MUC7: variants seen among roughly 807,000 people sequenced by gnomAD.
The protein encoded by MUC7 is mucin-7.
In MUC7, 2 loss-of-function variants were observed where a neutral mutation model predicts 2.5. That is an observed-to-expected ratio of 0.81 (90% CI 0.33 to 2.55). The LOEUF is 2.55. MUC7 is among the 30% of genes most tolerant of loss of function. The probability of loss-of-function intolerance (pLI) is 0.11; values close to 1 mark genes in which losing one functional copy is unlikely to be tolerated. For synonymous variants in MUC7, 133 were observed against 173.4 expected, an observed-to-expected ratio of 0.77 and a Z score of 1.83; for missense variants, 408 against 455.6, an observed-to-expected ratio of 0.90 and a Z score of 0.95.
At chr4:70,467,566 G>C (rs1484183143), upstream of MUC7, among the ~76,000 whole-genome samples, 1 of 152,136 alleles carries the variant, frequency 6.6e-6, no homozygotes, top group Non-Finnish European at 1.5e-5. Context: ...AATAAAAAAT[G>C]ATAAAAGGGA....
At chr4:70,473,567 G>A (rs1443299977) in intron 1 of MUC7, among the ~76,000 whole-genome samples, 2 of 152,110 alleles carry the variant, frequency 1.3e-5, no homozygotes, top group Non-Finnish European at 2.9e-5. Flanking sequence ...ATAGCACAGC[G>A]ACAAAGAGCA....
At chr4:70,465,818 T>C (rs1734669501) in intron 1 of MUC7, among the ~76,000 whole-genome samples, 1 of 151,998 alleles carries the variant, frequency 6.6e-6, no homozygotes, top group Non-Finnish European at 1.5e-5. Context: ...AGTTGAAAAA[T>C]ACTTTTCAAG....
chr4:70,476,782 G>A (rs1340327463), intron 2 of MUC7, among the ~76,000 whole-genome samples: 2 of 152,042 alleles, frequency 1.3e-5, no homozygotes, highest in African/African-American at 2.4e-5. Context: ...GCGAGACTCC[G>A]TCTCAAAAAA....
chr4:70,466,834 T>A (rs1734697150), intron 1 of MUC7, among the ~76,000 whole-genome samples: 1 of 152,090 alleles, frequency 6.6e-6, no homozygotes, highest in Non-Finnish European at 1.5e-5. Flanking sequence ...ACACTGTCAA[T>A]ATTAGACAGA....
At position 70,481,760 on chromosome 4, in the gene MUC7, C is replaced by T. The variant is rs1282975615; in HGVS notation, c.1016C>T (p.Thr339Ile). The T allele has an allele frequency of 1.2e-6, 2 of 1,614,098 alleles. No homozygotes were observed. The highest frequency in any genetic ancestry group is 2.2e-5 in the East Asian group (1 of 44,888). Reference protein sequence around the residue: ...PTHQTTTSVTTQTTTTKQPTS... With the variant: ...PTHQTTTSVTIQTTTTKQPTS... ...CACCAGACTACTACTTCGGTCACTA[C>T]TCAAACTACTACTACTAAACAACCA... Residue 339 changes from threonine (T) to isoleucine (I), a missense_variant, in exon 3 of 3, where the codon ACT (threonine) becomes ATT (isoleucine). Physicochemically the swap from Thr to Ile is moderately conservative, Grantham distance 89. This residue lies in a region of MUC7 where 175 missense variants were observed against 187.1 expected (regional missense o/e 0.94). Coordinates refer to ENST00000304887, the MANE Select transcript of MUC7 (RefSeq NM_152291.3).
chr4:70,441,075 T>C (rs1733993155), intron 1 of MUC7, among the ~76,000 whole-genome samples: 1 of 152,202 alleles, frequency 6.6e-6, no homozygotes, highest in Non-Finnish European at 1.5e-5. Context: ...GTATATCAGC[T>C]ATTAAACTTG....
At chr4:70,454,123 C>CA (rs1734358198) in intron 1 of MUC7, among the ~76,000 whole-genome samples, 1 of 152,086 alleles carries the variant, frequency 6.6e-6, no homozygotes, top group South Asian at 2.1e-4. Context: ...GGAAGGGTGG[C>CA]ACAGGCTCTC....
chr4:70,466,231 G>A (rs1442963431), intron 1 of MUC7, among the ~76,000 whole-genome samples: 1 of 152,086 alleles, frequency 6.6e-6, no homozygotes, highest in Non-Finnish European at 1.5e-5. Context: ...TCACCACCAG[G>A]CCTGCCCTAT....
At chr4:70,439,455 G>A (rs1733948602) in intron 1 of MUC7, among the ~76,000 whole-genome samples, 1 of 152,196 alleles carries the variant, frequency 6.6e-6, no homozygotes. Flanking sequence ...CCTGTTTGGA[G>A]ATAGGCTATA....
At chr4:70,465,496 C>A (rs368055953) in intron 1 of MUC7, among the ~76,000 whole-genome samples, 1 of 152,134 alleles carries the variant, frequency 6.6e-6, no homozygotes, top group South Asian at 2.1e-4. Context: ...AGCTAAGAAC[C>A]TTGAAAAAAG....
At position 70,481,865 on chromosome 4, in the gene MUC7, T is replaced by C; in HGVS notation, c.1121T>C (p.Met374Thr). Residue 374 changes from methionine (M) to threonine (T), a missense_variant, in exon 3 of 3, where the codon ATG becomes ACG. Transcript: ENST00000304887. ...CTACTAAACAGAATTATTGACGACATGGTGGAGCAATAGTATATTGTATGT... is the reference window on the plus strand; with the variant it reads ...CTACTAAACAGAATTATTGACGACACGGTGGAGCAATAGTATATTGTATGT... ...KNLLNRIIDD[M>T]VEQ 3 of 1,613,820 alleles carry C rather than the reference T, an allele frequency of 1.9e-6. No homozygotes were observed. The highest frequency in any genetic ancestry group is 2.5e-6 in the Non-Finnish European group (3 of 1,179,874).
At chr4:70,449,900 G>A (rs2109713948) in intron 1 of MUC7, among the ~76,000 whole-genome samples, 1 of 152,336 alleles carries the variant, frequency 6.6e-6, no homozygotes, top group East Asian at 1.9e-4. Flanking sequence ...GGTCAGACCT[G>A]AAGCAAGCAC....
rs536670101 is a variant in MUC7 at position 70,452,359 on chromosome 4, G to A, written c.-92-19856G>A. ...ACTTCCTTCCTGTCTTCCTTTTAGT[G>A]AAGATGATTTTCACTGGTGGTATGT... On this transcript the variant is annotated intron_variant, in intron 1 of 3. Transcript: ENST00000413702. Among the ~76,000 whole-genome samples, 401 of 152,096 alleles carry A rather than the reference G, an allele frequency of 2.6e-3. 1 individual carries two copies. Among genetic ancestry groups the A allele is most frequent in the African/African-American group, 8.9e-3 (370 of 41,498 alleles).
intron 1 of MUC7, among the ~76,000 whole-genome samples, chr4:70,454,076 T>C (rs1232372145): frequency 6.6e-6 from 1 of 151,958 alleles, no homozygotes; most frequent in Non-Finnish European, 1.5e-5. Flanking sequence ...AATAAAGGAC[T>C]CTCTCATTGC....
chr4:70,435,648 C>T (rs1733810200), intron 1 of MUC7, among the ~76,000 whole-genome samples: 1 of 136,446 alleles, frequency 7.3e-6, no homozygotes, highest in Non-Finnish European at 1.6e-5. Flanking sequence ...GGTCTTGACT[C>T]TTTATCCCAT....
chr4:70,474,636 G>C (rs1370567675), intron 2 of MUC7, among the ~76,000 whole-genome samples: 1 of 152,154 alleles, frequency 6.6e-6, no homozygotes, highest in East Asian at 1.9e-4. Flanking sequence ...AATATCTATA[G>C]AGCACAAACT....
intron 1 of MUC7, among the ~76,000 whole-genome samples, chr4:70,437,988 C>G (rs1733898182): frequency 1.3e-5 from 2 of 152,160 alleles, no homozygotes; most frequent in Non-Finnish European, 2.9e-5. Context: ...GCTTTGGATA[C>G]TATAAATAAT....
intron 1 of MUC7, among the ~76,000 whole-genome samples, chr4:70,466,088 T>C (rs967056099): frequency 3.3e-5 from 5 of 152,162 alleles, no homozygotes; most frequent in Non-Finnish European, 7.4e-5. Context: ...AGCCAGAATA[T>C]AGTGGGGGCC....
chr4:70,450,716 G>T (rs1734258608), intron 1 of MUC7, among the ~76,000 whole-genome samples: 1 of 152,064 alleles, frequency 6.6e-6, no homozygotes, highest in Non-Finnish European at 1.5e-5. Context: ...TTCCCTTCTG[G>T]CCCAGAGTGT....
Sources: allele counts gnomAD v4.1 joint callset (sites outside exome capture counted in the v4.1 genomes callset), GRCh38; gene constraint gnomAD v4.1.1; regional missense constraint gnomAD v4.1.1; transcripts MANE v1.5; gene names NCBI Gene and HGNC (gene_info 2026-07-23, HGNC 2026-07-21).